Variants in CNTN5 observed in about 807,000 individuals in gnomAD.
CNTN5 encodes contactin 5.
A neutral mutation model predicts 129.1 loss-of-function variants in CNTN5; 77 were observed. The ratio of observed to expected loss-of-function variants is 0.60; its 90% CI spans 0.50 to 0.72. CNTN5 has a LOEUF of 0.72. CNTN5 is among the 30% of genes least tolerant of loss of function. CNTN5 has a pLI of 0.00. For synonymous variants in CNTN5, 509 were observed against 465.6 expected (o/e 1.09, Z -1.20); for missense variants, 1,478 against 1,328.8 (o/e 1.11, Z -1.75).
chr11:99,669,778 G>A lies in CNTN5; in HGVS notation c.55+113509G>A, dbSNP rs78636962. On this transcript the variant is annotated intron_variant, in intron 3 of 24. Coordinates refer to ENST00000524871, the MANE Select transcript of CNTN5 (RefSeq NM_014361.4). ...TGATCTACTTCTTTAATGAAGGTTT[G>A]TCCCTAAGCCAAGTATTTAAGCTAC... 7.6e-3 allele frequency among the ~76,000 whole-genome samples: 1,154 copies of A among 152,166 alleles called. 96 individuals carry two copies. In the East Asian group the frequency reaches 0.19, roughly 24 times the overall value.
chr11:100,038,236 A>G (rs1942147599), intron 9 of CNTN5, among the ~76,000 whole-genome samples: 1 of 152,102 alleles, frequency 6.6e-6, no homozygotes, highest in African/African-American at 2.4e-5. Context: ...CCCAGTAGTC[A>G]TTCAGGAGCA....
chr11:100,126,540 TGTC>T (rs371611574), intron 13 of CNTN5, among the ~76,000 whole-genome samples: 24,964 of 90,042 alleles, frequency 0.28, 2,506 homozygotes, highest in South Asian at 0.49. Flanking sequence ...TGTCCTTCTC[TGTC>T]TTTTTTTTAA....
intron 13 of CNTN5, among the ~76,000 whole-genome samples, chr11:100,080,984 G>A (rs1591198820): frequency 6.6e-6 from 1 of 152,064 alleles, no homozygotes; most frequent in Admixed American, 6.6e-5. Flanking sequence ...CTCAGGGATG[G>A]TTTCTTGCTG....
intron 2 of CNTN5, among the ~76,000 whole-genome samples, chr11:99,417,380 T>C (rs1942705867): frequency 6.6e-6 from 1 of 152,114 alleles, no homozygotes; most frequent in Non-Finnish European, 1.5e-5. Flanking sequence ...TTGCTAAGTA[T>C]AAAATAATGA....
At position 100,260,350 on chromosome 11, in the gene CNTN5, G is replaced by A. The variant is rs560840899; in HGVS notation, c.2164+4432G>A. Among the ~76,000 whole-genome samples, 16 of 152,212 alleles carry A rather than the reference G, an allele frequency of 1.1e-4. 1 individual carries two copies. In the East Asian group the frequency reaches 2.1e-3, roughly 20 times the overall value. On this transcript the variant is annotated intron_variant, in intron 17 of 24. Transcript: ENST00000524871. Reference sequence around the variant, plus strand: ...CCCAGGACCAGACAGATTCACAGCCGAATTCTACCAGAGGTACAAAGAGGA... The same window carrying A: ...CCCAGGACCAGACAGATTCACAGCCAAATTCTACCAGAGGTACAAAGAGGA...
intron 3 of CNTN5, among the ~76,000 whole-genome samples, chr11:99,812,314 G>T (rs1145394): frequency 0.24 from 37,106 of 151,802 alleles, 5,005 homozygotes; most frequent in Non-Finnish European, 0.32. Flanking sequence ...CACTTTTTCA[G>T]TTCCTCAGGG....
In CNTN5 at chr11:99,844,922, A is replaced by G. The variant is rs758568002; in HGVS notation, c.348A>G (p.Glu116=). ...TTATTTTTCCAACTGATTCTGATGA[A>G]AAGAAGGTAGCATTGAATTGTGAAG... The part of the protein sequence containing the change: ...DDIIFPTDSD[E]KKVALNCEVR... Residue 116 remains glutamate (E), a synonymous_variant, in exon 5 of 25, where the codon GAA becomes GAG. Transcript: ENST00000524871. 6.2e-7 allele frequency: 1 copy of G among 1,613,814 alleles called. No homozygotes were observed. The highest frequency in any genetic ancestry group is 8.5e-7 in the Non-Finnish European group (1 of 1,179,778).
chr11:99,753,374 A>G (rs983695297), intron 3 of CNTN5, among the ~76,000 whole-genome samples: 3 of 151,908 alleles, frequency 2.0e-5, no homozygotes, highest in South Asian at 2.1e-4. Flanking sequence ...CACCCGCCTC[A>G]GCCTCCCAAA....
In CNTN5 at chr11:99,553,591, A is replaced by T. The variant is rs570319553; in HGVS notation, c.-70-2554A>T. ...AATGTCCTTCAGTATTATGTATTTT[A>T]AAAAAACCAAGAGAGTAAATTTCAG... On this transcript the variant is annotated intron_variant, in intron 2 of 24. Coordinates refer to ENST00000524871, the MANE Select transcript of CNTN5 (RefSeq NM_014361.4). Among the ~76,000 whole-genome samples, 36 of 152,068 alleles carry T rather than the reference A, an allele frequency of 2.4e-4. No homozygotes were observed. The South Asian group carries it at 7.3e-3, about 31-fold the overall frequency.
intron 1 of CNTN5, among the ~76,000 whole-genome samples, chr11:99,234,262 G>A (rs1300826063): frequency 2.0e-5 from 3 of 152,046 alleles, no homozygotes; most frequent in Non-Finnish European, 4.4e-5. Flanking sequence ...TGTGTTGGAC[G>A]GGGACGGGGG....
intron 1 of CNTN5, among the ~76,000 whole-genome samples, chr11:99,220,638 C>G (rs1312920557): frequency 6.6e-6 from 1 of 151,894 alleles, no homozygotes; most frequent in Non-Finnish European, 1.5e-5. Flanking sequence ...ATTTTTCCAG[C>G]TGACACCAAA....
chr11:99,329,059 A>T (rs1466178335), intron 2 of CNTN5, among the ~76,000 whole-genome samples: 10 of 152,114 alleles, frequency 6.6e-5, no homozygotes, highest in Non-Finnish European at 1.3e-4. Context: ...GGGGTGGTTC[A>T]AGTTGGATAT....
intron 18 of CNTN5, among the ~76,000 whole-genome samples, chr11:100,276,829 C>T (rs1950523620): frequency 6.6e-6 from 1 of 151,870 alleles, no homozygotes; most frequent in Non-Finnish European, 1.5e-5. Flanking sequence ...TAATACACTT[C>T]TGGTCAGTTT....
intron 7 of CNTN5, among the ~76,000 whole-genome samples, chr11:99,941,796 G>C (rs1211163354): frequency 6.6e-6 from 1 of 152,060 alleles, no homozygotes; most frequent in Non-Finnish European, 1.5e-5. Flanking sequence ...ACTAACAGCA[G>C]GGCCAGTGTG....
rs974183267 is a variant in CNTN5 at position 99,809,724 on chromosome 11, G to A, written c.56-9820G>A. Among the ~76,000 whole-genome samples, 9 of 152,058 alleles carry A rather than the reference G, an allele frequency of 5.9e-5. 1 individual carries two copies. Among genetic ancestry groups the A allele is most frequent in the Non-Finnish European group, 2.9e-5 (2 of 67,972 alleles). On this transcript the variant is annotated intron_variant, in intron 3 of 24. Transcript: ENST00000524871. ...TATGTAAAAGCACAACTTGCCCACAGAATTGTTTCTAAAATTGGGAGGAAA... is the reference window on the plus strand; with the variant it reads ...TATGTAAAAGCACAACTTGCCCACAAAATTGTTTCTAAAATTGGGAGGAAA...
intron 1 of CNTN5, among the ~76,000 whole-genome samples, chr11:99,285,266 C>T (rs1489175335): frequency 6.6e-6 from 1 of 152,022 alleles, no homozygotes; most frequent in Non-Finnish European, 1.5e-5. Flanking sequence ...GAATTAAAAC[C>T]TGCCAATTAA....
intron 17 of CNTN5, among the ~76,000 whole-genome samples, chr11:100,265,004 A>G (rs1049010699): frequency 3.3e-5 from 5 of 151,636 alleles, no homozygotes; most frequent in African/African-American, 1.2e-4. Flanking sequence ...GGGTTTTTTT[A>G]TATGTTTGTT....
intron 17 of CNTN5, among the ~76,000 whole-genome samples, chr11:100,265,145 T>C (rs1950276703): frequency 6.6e-6 from 1 of 152,152 alleles, no homozygotes; most frequent in Admixed American, 6.5e-5. Context: ...CCAAGAATTG[T>C]GCTGTACTTA....
chr11:99,365,069 GC>G (rs1295339801), intron 2 of CNTN5, among the ~76,000 whole-genome samples: 3 of 152,048 alleles, frequency 2.0e-5, no homozygotes, highest in Non-Finnish European at 4.4e-5. Flanking sequence ...ACAGGAAAAG[GC>G]CAAGTGACAT....
Sources: gnomAD v4.1 joint callset for allele counts (sites outside exome capture counted in the v4.1 genomes callset) on GRCh38, gnomAD v4.1.1 for gene constraint, MANE v1.5 for transcripts, NCBI Gene and HGNC (gene_info 2026-07-23, HGNC 2026-07-21) for gene names.